Variants in SPHKAP observed in about 807,000 individuals in gnomAD.
SPHKAP encodes SPHK1 interactor, AKAP domain containing.
A neutral mutation model predicts 137.5 loss-of-function variants in SPHKAP; 67 were observed. The observed-to-expected ratio is 0.49, with a 90% CI of 0.40 to 0.60. The LOEUF is 0.60. SPHKAP is among the 20% of genes least tolerant of loss of function. The pLI, the probability that SPHKAP is intolerant of heterozygous loss-of-function variation, is 0.00. For synonymous variants in SPHKAP, 813 were observed against 785.3 expected (o/e 1.04, Z -0.59); for missense variants, 2,097 against 2,069.3 (o/e 1.01, Z -0.26).
chr2:228,033,610 A>G (rs571862998), intron 3 of SPHKAP, among the ~76,000 whole-genome samples: 7 of 152,324 alleles, frequency 4.6e-5, no homozygotes, highest in Admixed American at 4.6e-4. Context: ...CTATTCCAAA[A>G]TTGACCATAT....
In SPHKAP at chr2:228,181,602, T is replaced by C. The variant is rs780678016; in HGVS notation, c.-4A>G. The C allele has an allele frequency of 8.7e-6, 14 of 1,613,756 alleles. No homozygotes were observed. Among genetic ancestry groups the C allele is most frequent in the Non-Finnish European group, 1.2e-5 (14 of 1,179,902 alleles). On this transcript the variant is annotated 5_prime_UTR_variant, in exon 1 of 12. Transcript: ENST00000392056. The surrounding 1 kb of genome is among the most constrained non-coding windows in gnomAD (Gnocchi z 4.3). ...AGAGCAGGGAGTTGCCATCCATTGT[T>C]GGTGGGCGCCCAGAGAAGAAAGACG...
intron 3 of SPHKAP, among the ~76,000 whole-genome samples, chr2:228,034,889 T>G (rs897665072): frequency 1.3e-5 from 2 of 151,912 alleles, no homozygotes; most frequent in African/African-American, 4.8e-5. Context: ...CTCAAAATAA[T>G]GAGAGCTATC....
intron 2 of SPHKAP, chr2:228,131,761 G>A (rs1699259910): frequency 1.0e-6 from 1 of 983,328 alleles, no homozygotes; most frequent in South Asian, 4.7e-5. Context: ...GAGATAGTAT[G>A]GCAGTGGAGG....
intron 3 of SPHKAP, among the ~76,000 whole-genome samples, chr2:228,055,399 TCAC>T (rs1696402838): frequency 6.6e-6 from 1 of 152,118 alleles, no homozygotes; most frequent in African/African-American, 2.4e-5. Context: ...ATTAACAGCA[TCAC>T]CACCTTTTCC....
Position 228,181,422 on chromosome 2 carries a change from C to T in SPHKAP, c.32+145G>A, listed in dbSNP as rs1195502566. 8.6e-6 allele frequency: 10 copies of T among 1,160,602 alleles called. No homozygotes were observed. The highest frequency in any genetic ancestry group is 2.0e-4 in the Middle Eastern group (1 of 5,040). The allele number at this position is 1,160,602 out of a possible 1,614,324, so 71.9% of individuals were successfully genotyped here. On this transcript the variant is annotated intron_variant, in intron 1 of 11. Transcript: ENST00000392056. The surrounding 1 kb of genome is among the most constrained non-coding windows in gnomAD (Gnocchi z 4.3). Reference sequence around the variant, plus strand: ...GTAGCTCCAGCGAGGCTGGGCCGGACTTATTTACAAGTGCAGTGACCCCTG... The same window carrying T: ...GTAGCTCCAGCGAGGCTGGGCCGGATTTATTTACAAGTGCAGTGACCCCTG...
chr2:228,018,372 T>A lies in SPHKAP; in HGVS notation c.2482A>T (p.Thr828Ser). 6.2e-7 allele frequency: 1 copy of A among 1,614,208 alleles called. No homozygotes were observed. Among genetic ancestry groups the A allele is most frequent in the South Asian group, 1.1e-5 (1 of 91,080 alleles). The change falls in exon 7 of 12, where the codon ACA becomes TCA. Residue 828 changes from threonine (T) to serine (S), a missense_variant. Physicochemically the swap from Thr to Ser is moderately conservative, Grantham distance 58 (BLOSUM62 1). Transcript: ENST00000392056. The part of the protein sequence containing the change: ...HRVPDSSTAT[T>S]SSKEIYLKGI... The stretch of plus-strand genomic sequence containing the variant: ...TTCAGATATATTTCCTTGGAGGATG[T>A]TGTAGCAGTTGAAGAATCGGGCACT...
chr2:228,005,238 C>T (rs1694082146), intron 7 of SPHKAP, among the ~76,000 whole-genome samples: 1 of 152,156 alleles, frequency 6.6e-6, no homozygotes, highest in Non-Finnish European at 1.5e-5. Context: ...CTGGGTGCTC[C>T]TGTATTGGTT....
chr2:228,129,367 C>T (rs562849268), intron 2 of SPHKAP, among the ~76,000 whole-genome samples: 1 of 152,174 alleles, frequency 6.6e-6, no homozygotes, highest in African/African-American at 2.4e-5. Flanking sequence ...CAAGGCATGC[C>T]TGTTGTTGTC....
At chr2:228,073,245 T>C (rs1286089992) in intron 3 of SPHKAP, among the ~76,000 whole-genome samples, 1 of 152,212 alleles carries the variant, frequency 6.6e-6, no homozygotes, top group African/African-American at 2.4e-5. Context: ...TGGCATGGAA[T>C]GCCACATATG....
chr2:228,077,694 A>G (rs1280002412), intron 3 of SPHKAP, among the ~76,000 whole-genome samples: 1 of 152,198 alleles, frequency 6.6e-6, no homozygotes, highest in Non-Finnish European at 1.5e-5. Flanking sequence ...CCTGTCTCAG[A>G]TGAGACTTTG....
At position 227,982,914 on chromosome 2, in the gene SPHKAP, T is replaced by C. The variant is rs188491862; in HGVS notation, c.4960-1054A>G. Among the ~76,000 whole-genome samples, 3 of 152,228 alleles carry C rather than the reference T, an allele frequency of 2.0e-5. No homozygotes were observed. In the East Asian group the frequency reaches 5.8e-4, roughly 29 times the overall value. On this transcript the variant is annotated intron_variant, in intron 11 of 11. Transcript: ENST00000392056. ...AAGACCAAGCGTGAGTCAAATACAT[T>C]CAAAGATCTCAAGAAGACTGTTGGG...
At position 228,016,768 on chromosome 2, in the gene SPHKAP, C is replaced by G. The variant is rs1303724476; in HGVS notation, c.4086G>C (p.Leu1362=). The G allele has an allele frequency of 1.9e-5, 30 of 1,613,926 alleles. No homozygotes were observed. Among genetic ancestry groups the G allele is most frequent in the Non-Finnish European group, 2.5e-5 (30 of 1,180,004 alleles). The change falls in exon 7 of 12, where the codon CTG becomes CTC. Residue 1362 remains leucine (L), a synonymous_variant. Transcript: ENST00000392056. ...GGCAATCGAGAGACTCCTGAACAAG[C>G]AGAGTTGGCCCACTGCACATCCTGC... ...AASRMCSGPT[L]LVQESLDCPR... is the part of the protein sequence containing the mutation.
At chr2:228,122,971 C>G (rs770846678) in intron 2 of SPHKAP, among the ~76,000 whole-genome samples, 17 of 152,274 alleles carry the variant, frequency 1.1e-4, no homozygotes, top group Middle Eastern at 6.8e-3. Context: ...TAGTCATTCT[C>G]CTGTTCAGCC....
intron 2 of SPHKAP, among the ~76,000 whole-genome samples, chr2:228,113,605 CTCTCTCTCTCTCTCTCTCTCT>C (rs1366529354): frequency 3.2e-5 from 1 of 31,310 alleles, no homozygotes; most frequent in Non-Finnish European, 5.5e-5. Flanking sequence ...ATTTAGCCAT[CTCTCTCTCTCTCTCTCTCTCT>C]CTCTCTCTCT....
chr2:228,031,772 A>G (rs1695334563), intron 3 of SPHKAP, among the ~76,000 whole-genome samples: 1 of 152,194 alleles, frequency 6.6e-6, no homozygotes, highest in Non-Finnish European at 1.5e-5. Flanking sequence ...CAAGACAAAC[A>G]TGGTCTGGAA....
At chr2:228,148,492 T>C (rs918526750) in intron 1 of SPHKAP, among the ~76,000 whole-genome samples, 3 of 152,162 alleles carry the variant, frequency 2.0e-5, no homozygotes, top group African/African-American at 7.2e-5. Flanking sequence ...GCAGCACAGT[T>C]TGCTGTCTGG....
intron 7 of SPHKAP, among the ~76,000 whole-genome samples, chr2:228,008,485 G>A (rs1694227878): frequency 6.6e-6 from 1 of 151,986 alleles, no homozygotes; most frequent in Non-Finnish European, 1.5e-5. Context: ...AGTAGAGACA[G>A]CATTTCACCA....
At chr2:228,069,288 G>T (rs1227946409) in intron 3 of SPHKAP, among the ~76,000 whole-genome samples, 1 of 152,080 alleles carries the variant, frequency 6.6e-6, no homozygotes, top group African/African-American at 2.4e-5. Context: ...CAACAACTGG[G>T]CAAAGACATG....
At chr2:227,994,847 A>G (rs1693567893) in intron 8 of SPHKAP, among the ~76,000 whole-genome samples, 2 of 152,254 alleles carry the variant, frequency 1.3e-5, no homozygotes, top group South Asian at 4.1e-4. Context: ...CAAGAGTCAT[A>G]CATACACCCA....
Sources: gnomAD v4.1 joint callset for allele counts (sites outside exome capture counted in the v4.1 genomes callset) on GRCh38, gnomAD v4.1.1 for gene constraint, Gnocchi (gnomAD v3.1) non-coding constraint, MANE v1.5 for transcripts, NCBI Gene and HGNC (gene_info 2026-07-23, HGNC 2026-07-21) for gene names.